The following PHF21A variants were observed in gnomAD, a reference collection of about 807,000 sequenced individuals.
PHF21A encodes PHD finger protein 21A.
In PHF21A, 11 loss-of-function variants were observed where a neutral mutation model predicts 82.5. The observed-to-expected ratio is 0.13, with a 90% confidence interval of 0.08 to 0.22. The LOEUF is 0.22. Among genes scored for constraint, PHF21A ranks in the 10% least tolerant of loss-of-function variants. PHF21A has a pLI of 1.00. For missense variants in PHF21A, 579 were observed against 837.8 expected, an observed-to-expected ratio of 0.69 and a Z score of 3.81; for synonymous variants, 297 against 302.8, an observed-to-expected ratio of 0.98 and a Z score of 0.20.
chr11:46,056,330 G>A (rs1459659088), intron 6 of PHF21A, among the ~76,000 whole-genome samples: 1 of 152,088 alleles, frequency 6.6e-6, no homozygotes, highest in Non-Finnish European at 1.5e-5. Flanking sequence ...CATTTTCACT[G>A]GCTTGGGCTG....
At chr11:46,014,009 A>G (rs2095465413) in intron 6 of PHF21A, among the ~76,000 whole-genome samples, 1 of 152,044 alleles carries the variant, frequency 6.6e-6, no homozygotes, top group Non-Finnish European at 1.5e-5. Flanking sequence ...AAAACATTAT[A>G]ATTATATTTA....
intron 6 of PHF21A, among the ~76,000 whole-genome samples, chr11:46,066,220 G>A (rs540515208): frequency 6.6e-6 from 1 of 152,222 alleles, no homozygotes; most frequent in Admixed American, 6.5e-5. Context: ...TAGTGAACTG[G>A]GGAAGGACGA....
At chr11:46,056,530 G>A (rs1056868722) in intron 6 of PHF21A, among the ~76,000 whole-genome samples, 7 of 152,022 alleles carry the variant, frequency 4.6e-5, no homozygotes, top group South Asian at 2.1e-4. Context: ...CCTTGTAAAC[G>A]TCTTTCTAAA....
intron 11 of PHF21A, 56 bp downstream of exon 11, chr11:45,953,471 A>G (rs2092360402): frequency 1.9e-6 from 2 of 1,061,146 alleles, no homozygotes; most frequent in Non-Finnish European, 1.5e-6. Flanking sequence ...CTCCTGGTAC[A>G]TGAGAATAAA....
intron 6 of PHF21A, among the ~76,000 whole-genome samples, chr11:45,993,079 A>G (rs1029384500): frequency 1.3e-5 from 2 of 152,206 alleles, no homozygotes; most frequent in Admixed American, 1.3e-4. Context: ...TGAAACTAAC[A>G]TCTTTTACAT....
At chr11:46,053,888 G>C (rs1157358142) in intron 6 of PHF21A, among the ~76,000 whole-genome samples, 1 of 152,252 alleles carries the variant, frequency 6.6e-6, no homozygotes, top group Admixed American at 6.5e-5. Context: ...TCTGCTGCAT[G>C]TGATGATTAC....
intron 11 of PHF21A, among the ~76,000 whole-genome samples, chr11:45,950,528 C>CAA (rs60927389): frequency 7.6e-4 from 109 of 144,218 alleles, no homozygotes; most frequent in South Asian, 1.8e-3. Flanking sequence ...TGATGAGCTT[C>CAA]AAAAAAAAAA....
At chr11:46,004,456 G>A (rs1241224676) in intron 6 of PHF21A, among the ~76,000 whole-genome samples, 1 of 152,148 alleles carries the variant, frequency 6.6e-6, no homozygotes, top group Non-Finnish European at 1.5e-5. Context: ...AAGGGGTAGA[G>A]GAGAGAAGGA....
chr11:46,105,699 A>C (rs2097145579), intron 1 of PHF21A, among the ~76,000 whole-genome samples: 1 of 152,218 alleles, frequency 6.6e-6, no homozygotes, highest in Non-Finnish European at 1.5e-5. Flanking sequence ...AATTTAAATG[A>C]GAAAAAAGCA....
intron 6 of PHF21A, among the ~76,000 whole-genome samples, chr11:45,998,657 T>C (rs2094998882): frequency 2.0e-5 from 3 of 149,262 alleles, no homozygotes; most frequent in African/African-American, 7.4e-5. Context: ...GGATTACAGG[T>C]ATGCGCCACC....
chr11:45,957,751 C>CAAAAAAAAAAAAAAAAA, intron 10 of PHF21A, among the ~76,000 whole-genome samples: 147 of 60,714 alleles, frequency 2.4e-3, no homozygotes, highest in Non-Finnish European at 3.1e-3. Flanking sequence ...AAATTCAAAG[C>CAAAAAAAAAAAAAAAAA]AAAAAAAAAA....
At chr11:46,031,543 T>C (rs1565633653) in intron 6 of PHF21A, among the ~76,000 whole-genome samples, 2 of 152,216 alleles carry the variant, frequency 1.3e-5, no homozygotes, top group Non-Finnish European at 2.9e-5. Flanking sequence ...TTTAACCTAG[T>C]AGTTCATGCA....
At chr11:46,093,021 G>A (rs1001515797) in intron 1 of PHF21A, among the ~76,000 whole-genome samples, 2 of 152,108 alleles carry the variant, frequency 1.3e-5, no homozygotes, top group Non-Finnish European at 2.9e-5. Context: ...CTCCCAAAGT[G>A]CTGGGATTAC....
chr11:45,975,367 T>C (rs150702606), intron 7 of PHF21A, among the ~76,000 whole-genome samples: 11 of 120,598 alleles, frequency 9.1e-5, no homozygotes, highest in South Asian at 5.1e-4. Flanking sequence ...TAAAATAAAA[T>C]AAAATAAAAT....
chr11:45,958,884 C>T (rs2092903280), intron 10 of PHF21A, among the ~76,000 whole-genome samples: 1 of 152,140 alleles, frequency 6.6e-6, no homozygotes, highest in African/African-American at 2.4e-5. Flanking sequence ...TACCACTACA[C>T]TCCAGTCTGG....
Position 46,104,836 on chromosome 11 carries a change from CT to C in PHF21A, c.-236-12614del, listed in dbSNP as rs1313535001. ...GGTATGCAGCACGTATGTGATACATCTTTATTGGAGTGAGCTTAAATAATTA... is the reference window on the plus strand; with the variant it reads ...GGTATGCAGCACGTATGTGATACATCTTATTGGAGTGAGCTTAAATAATTA... On this transcript the variant is annotated intron_variant, in intron 1 of 18. Coordinates refer to ENST00000676320, the MANE Select transcript of PHF21A (RefSeq NM_001352027.3). Among the ~76,000 whole-genome samples the C allele has an allele frequency of 5.3e-5, 8 of 152,282 alleles. 1 individual carries two copies. Among genetic ancestry groups the C allele is most frequent in the African/African-American group, 1.9e-4 (8 of 41,544 alleles).
chr11:45,998,593 A>C (rs1484420338), intron 6 of PHF21A, among the ~76,000 whole-genome samples: 1 of 148,730 alleles, frequency 6.7e-6, no homozygotes, highest in African/African-American at 2.5e-5. Flanking sequence ...GCTCGGCGCA[A>C]CCTCCACCTC....
At chr11:46,026,284 A>T (rs1465164445) in intron 6 of PHF21A, among the ~76,000 whole-genome samples, 1 of 152,192 alleles carries the variant, frequency 6.6e-6, no homozygotes, top group African/African-American at 2.4e-5. Context: ...TATGTTTTGT[A>T]GTAAAATGTG....
chr11:46,031,161 T>C (rs1310749642), intron 6 of PHF21A, among the ~76,000 whole-genome samples: 1 of 152,158 alleles, frequency 6.6e-6, no homozygotes, highest in Non-Finnish European at 1.5e-5. Context: ...TTCCTCTACC[T>C]TGTGGCCCAG....
Sources: gnomAD v4.1 joint callset for allele counts (sites outside exome capture counted in the v4.1 genomes callset) on GRCh38, gnomAD v4.1.1 for gene constraint, MANE v1.5 for transcripts, NCBI Gene and HGNC (gene_info 2026-07-23, HGNC 2026-07-21) for gene names.